SMOC2: variants seen among roughly 807,000 people sequenced by gnomAD.
SMOC2 encodes SPARC related modular calcium binding 2.
SMOC2 carries 39 observed loss-of-function variants against 61.4 expected under a neutral mutation model. The ratio of observed to expected loss-of-function variants is 0.64; its 90% CI spans 0.49 to 0.83. The LOEUF is 0.83. Among genes scored for constraint, SMOC2 ranks in the 40% least tolerant of loss-of-function variants. SMOC2 has a pLI of 0.00. For missense variants in SMOC2, 556 were observed against 592.9 expected, an observed-to-expected ratio of 0.94 and a Z score of 0.65; for synonymous variants, 247 against 239.9, an observed-to-expected ratio of 1.03 and a Z score of -0.27.
rs1239862310 is a variant in SMOC2 at position 168,475,340 on chromosome 6, A to T, written c.84+33886A>T. Among the ~76,000 whole-genome samples the T allele has an allele frequency of 1.3e-5, 2 of 151,762 alleles. No individual in the cohort carries two copies. The highest frequency in any genetic ancestry group is 2.9e-5 in the Non-Finnish European group (2 of 67,908). On this transcript the variant is annotated intron_variant, in intron 1 of 12. Coordinates refer to ENST00000356284, the MANE Select transcript of SMOC2 (RefSeq NM_001166412.2). This position sits in a 1 kb window ranked among gnomAD's most constrained non-coding sequence, Gnocchi z 4.6. Reference sequence around the variant, plus strand: ...TTCTCTGTGGACGTAGATTAAATTCACTCTCATTTATTCCTGAAGCATTTG... The same window carrying T: ...TTCTCTGTGGACGTAGATTAAATTCTCTCTCATTTATTCCTGAAGCATTTG...
chr6:168,604,451 C>G (rs1439275461), intron 8 of SMOC2, among the ~76,000 whole-genome samples: 1 of 152,146 alleles, frequency 6.6e-6, no homozygotes, highest in African/African-American at 2.4e-5. Flanking sequence ...GCCAGCTTCA[C>G]CATTCCTCAT....
At chr6:168,637,554 G>GCT (rs1786771319) in intron 9 of SMOC2, among the ~76,000 whole-genome samples, 1 of 152,198 alleles carries the variant, frequency 6.6e-6, no homozygotes, top group Non-Finnish European at 1.5e-5. Flanking sequence ...CTTGCTAGAG[G>GCT]ATCCTGGAGA....
At chr6:168,485,584 A>T (rs1320772769) in intron 1 of SMOC2, among the ~76,000 whole-genome samples, 2 of 152,244 alleles carry the variant, frequency 1.3e-5, no homozygotes, top group East Asian at 3.8e-4. Flanking sequence ...ACCTCATATC[A>T]TATGAGTCTC....
chr6:168,624,721 GACACAC>G (rs1159660819), intron 9 of SMOC2, among the ~76,000 whole-genome samples: 2 of 150,918 alleles, frequency 1.3e-5, no homozygotes, highest in East Asian at 3.9e-4. Flanking sequence ...CACAGACACA[GACACAC>G]AGACACAATA....
chr6:168,623,122 G>C (rs991189079), intron 9 of SMOC2, among the ~76,000 whole-genome samples: 1 of 152,094 alleles, frequency 6.6e-6, no homozygotes, highest in Non-Finnish European at 1.5e-5. Context: ...AATTCTGTTC[G>C]TGCTCTATTG....
intron 2 of SMOC2, among the ~76,000 whole-genome samples, chr6:168,517,578 C>A (rs1019273010): frequency 6.6e-6 from 1 of 152,240 alleles, no homozygotes; most frequent in Non-Finnish European, 1.5e-5. Context: ...CCTAAGAAGC[C>A]GGAGCCACGG....
chr6:168,506,103 G>A (rs1254715790), intron 1 of SMOC2, among the ~76,000 whole-genome samples: 1 of 151,978 alleles, frequency 6.6e-6, no homozygotes, highest in Non-Finnish European at 1.5e-5. Flanking sequence ...CATTCCCCGG[G>A]CTCAAGTGAG....
In SMOC2 at chr6:168,511,811, G is replaced by GTTTTTTTTTTTTTT. The variant is rs144317852; in HGVS notation, c.256+1727_256+1728insTTTTTTTTTTTTTT. Reference sequence around the variant, plus strand: ...GACAAATGGCTATTCATTATCAAGGGTTGTTTTTTTTTTTTTTTCTGAAAT... The same window carrying GTTTTTTTTTTTTTT: ...GACAAATGGCTATTCATTATCAAGGGTTTTTTTTTTTTTTTTGTTTTTTTTTTTTTTTCTGAAAT... On this transcript the variant is annotated intron_variant, in intron 2 of 12. Coordinates refer to ENST00000356284, the MANE Select transcript of SMOC2 (RefSeq NM_001166412.2). 3.1e-5 allele frequency among the ~76,000 whole-genome samples: 4 copies of GTTTTTTTTTTTTTT among 130,736 alleles called. 2 individuals are homozygous for GTTTTTTTTTTTTTT. Among genetic ancestry groups the GTTTTTTTTTTTTTT allele is most frequent in the Non-Finnish European group, 6.4e-5 (4 of 62,630 alleles). The allele number at this position is 130,736 out of a possible 152,430, so 85.8% of individuals were successfully genotyped here. A position where few individuals can be genotyped will look rare whatever the true frequency, so the allele number is the denominator to read the frequency against.
At chr6:168,575,381 A>C (rs551359965) in intron 7 of SMOC2, among the ~76,000 whole-genome samples, 4 of 152,268 alleles carry the variant, frequency 2.6e-5, no homozygotes, top group South Asian at 2.1e-4. Context: ...CTCTCCTAGC[A>C]TATCTAGTAA....
rs542946657 is a variant in SMOC2 at position 168,587,269 on chromosome 6, A to G, written c.638-11549A>G. Among the ~76,000 whole-genome samples the G allele has an allele frequency of 2.0e-5, 3 of 152,314 alleles. No individual in the cohort carries two copies. The East Asian group carries it at 5.8e-4, about 29-fold the overall frequency. On this transcript the variant is annotated intron_variant, in intron 7 of 12. Coordinates refer to ENST00000356284, the MANE Select transcript of SMOC2 (RefSeq NM_001166412.2). ...ACTAACTCCTCCCGCCCACCTTGTG[A>G]GACAATTAGACAGGTTTGACACTGT...
At chr6:168,565,637 G>T (rs1784523878) in intron 7 of SMOC2, among the ~76,000 whole-genome samples, 1 of 152,202 alleles carries the variant, frequency 6.6e-6, no homozygotes, top group Non-Finnish European at 1.5e-5. Context: ...ATTTCTGTCA[G>T]TGTGGCTTGG....
chr6:168,567,664 A>C (rs1784573483), intron 7 of SMOC2, among the ~76,000 whole-genome samples: 1 of 152,214 alleles, frequency 6.6e-6, no homozygotes, highest in African/African-American at 2.4e-5. Context: ...AGCAAATAAA[A>C]GGAGAGGGAG....
chr6:168,656,460 A>G (rs1787323751), intron 11 of SMOC2, among the ~76,000 whole-genome samples: 1 of 143,014 alleles, frequency 7.0e-6, no homozygotes, highest in African/African-American at 2.5e-5. Context: ...GTGAGCTGAG[A>G]TCGTGCCACT....
intron 9 of SMOC2, among the ~76,000 whole-genome samples, chr6:168,631,077 C>T (rs891136077): frequency 1.3e-5 from 2 of 152,200 alleles, no homozygotes; most frequent in Admixed American, 1.3e-4. Context: ...GTCACCCACA[C>T]CTATTCGCAC....
At chr6:168,473,225 G>A (rs534088758) in intron 1 of SMOC2, among the ~76,000 whole-genome samples, 8 of 152,262 alleles carry the variant, frequency 5.3e-5, no homozygotes, top group African/African-American at 1.9e-4. Context: ...CAGATGCCTG[G>A]AGCAGGGTGG....
At position 168,526,237 on chromosome 6, in the gene SMOC2, T is replaced by C. The variant is rs114856398; in HGVS notation, c.257-109T>C. 2,717 of 932,858 alleles carry C rather than the reference T, an allele frequency of 2.9e-3. 65 individuals are homozygous for C. In the African/African-American group the frequency reaches 0.039, roughly 13 times the overall value. 57.8% of individuals were successfully genotyped at this position (932,858 alleles called of 1,614,324 possible). On this transcript the variant is annotated intron_variant, in intron 2 of 12. Transcript: ENST00000356284. Reference sequence around the variant, plus strand: ...TGTGAAGCCCTTTCCAGCCTCCAGGTCCTCAGCACTCCTGCCTAACTCATG... The same window carrying C: ...TGTGAAGCCCTTTCCAGCCTCCAGGCCCTCAGCACTCCTGCCTAACTCATG...
rs1366151034 is a variant in SMOC2 at position 168,556,793 on chromosome 6, C to T, written c.637+7590C>T. Reference sequence around the variant, plus strand: ...CTGTGTGATATTCCCCTTCCTGTGTCCATGTGTTCTCATTGTTCTGTTAGG... The same window carrying T: ...CTGTGTGATATTCCCCTTCCTGTGTTCATGTGTTCTCATTGTTCTGTTAGG... On this transcript the variant is annotated intron_variant, in intron 7 of 12. Coordinates refer to ENST00000356284, the MANE Select transcript of SMOC2 (RefSeq NM_001166412.2). Among the ~76,000 whole-genome samples the T allele has an allele frequency of 1.0e-4, 13 of 130,094 alleles. No homozygotes were observed. In the South Asian group the frequency reaches 2.0e-3, roughly 20 times the overall value. The allele number at this position is 130,094 out of a possible 152,430, so 85.3% of individuals were successfully genotyped here. A position where few individuals can be genotyped will look rare whatever the true frequency, so the allele number is the denominator to read the frequency against.
In SMOC2 at chr6:168,607,488, C is replaced by T. The variant is rs537638128; in HGVS notation, c.825-669C>T. Among the ~76,000 whole-genome samples the T allele has an allele frequency of 9.8e-5, 15 of 152,320 alleles. No homozygotes were observed. The East Asian group carries it at 2.7e-3, about 27-fold the overall frequency. On this transcript the variant is annotated intron_variant, in intron 8 of 12. Transcript: ENST00000356284. ...CACTTGCTCCCATGAGCTCTGCAAC[C>T]GCAGCAGCCAGGGCACCTGCCCTCT...
chr6:168,560,570 GCATTCT>G (rs1243366847), intron 7 of SMOC2, among the ~76,000 whole-genome samples: 23 of 130,680 alleles, frequency 1.8e-4, no homozygotes, highest in Admixed American at 2.3e-4. Flanking sequence ...GGCTCTCACT[GCATTCT>G]TGGAGGAGGT....
Sources: gnomAD v4.1 joint callset for allele counts (sites outside exome capture counted in the v4.1 genomes callset) on GRCh38, gnomAD v4.1.1 for gene constraint, Gnocchi (gnomAD v3.1) non-coding constraint, MANE v1.5 for transcripts, NCBI Gene and HGNC (gene_info 2026-07-23, HGNC 2026-07-21) for gene names.